LRRIQ1: variants seen among roughly 807,000 people sequenced by gnomAD.
The protein encoded by LRRIQ1 is leucine rich repeats and IQ motif containing 1, also known as leucine-rich repeat- and IQ domain-containing protein 1.
A neutral mutation model predicts 211.9 loss-of-function variants in LRRIQ1; 210 were observed. That is an observed-to-expected ratio of 0.99 (90% CI 0.89 to 1.11). LRRIQ1 has a LOEUF of 1.11. Among genes scored for constraint, LRRIQ1 ranks in the 50% most tolerant of loss-of-function variants. The pLI is 0.00. For synonymous variants in LRRIQ1, 699 were observed against 650.1 expected (o/e 1.08, Z -1.14); for missense variants, 2,136 against 1,939.5 (o/e 1.10, Z -1.90).
chr12:85,254,389 A>G (rs967408075), intron 1 of LRRIQ1, among the ~76,000 whole-genome samples: 20 of 152,160 alleles, frequency 1.3e-4, no homozygotes, highest in African/African-American at 4.8e-4. Flanking sequence ...GAGCTCTGCT[A>G]CTTCCTACTG....
At chr12:85,239,655 A>T (rs888358205) in intron 26 of LRRIQ1, among the ~76,000 whole-genome samples, 3 of 152,016 alleles carry the variant, frequency 2.0e-5, no homozygotes, top group Non-Finnish European at 4.4e-5. Flanking sequence ...ATGAACTATG[A>T]GCCTAAATTT....
intron 11 of LRRIQ1, among the ~76,000 whole-genome samples, chr12:85,078,132 TATATTA>T (rs1015512278): frequency 1.3e-5 from 2 of 152,166 alleles, no homozygotes; most frequent in Non-Finnish European, 2.9e-5. Flanking sequence ...TTTTGGAATG[TATATTA>T]ATATTGTTTC....
At chr12:85,187,967 C>T (rs1190202681) in intron 24 of LRRIQ1, among the ~76,000 whole-genome samples, 2 of 152,120 alleles carry the variant, frequency 1.3e-5, no homozygotes, top group South Asian at 4.2e-4. Context: ...AAAACACTCT[C>T]ATTGTACTCA....
chr12:85,165,170 G>T (rs1195871431), intron 24 of LRRIQ1, among the ~76,000 whole-genome samples: 1 of 152,016 alleles, frequency 6.6e-6, no homozygotes, highest in South Asian at 2.1e-4. Context: ...AGATTCAGGG[G>T]TAACATGGGC....
rs766702523 is a variant in LRRIQ1 at position 85,040,620 on chromosome 12, T to C, written c.244+19T>C. ...ATTTTAAGTAAGTACTATTTTCATC[T>C]GTCTGGCAGATAAGCTTTCTGTAAG... On this transcript the variant is annotated intron_variant, in intron 3 of 26. Coordinates refer to ENST00000393217, the MANE Select transcript of LRRIQ1 (RefSeq NM_001079910.2). The C allele has an allele frequency of 8.4e-6, 12 of 1,420,620 alleles. No individual in the cohort carries two copies. The Admixed American group carries it at 1.7e-4, about 20-fold the overall frequency. 88.0% of individuals were successfully genotyped at this position (1,420,620 alleles called of 1,614,324 possible). A position where few individuals can be genotyped will look rare whatever the true frequency, so the allele number is the denominator to read the frequency against.
intron 23 of LRRIQ1, 51 bp from the exon 24 acceptor site, chr12:85,160,562 A>G (rs1890809067): frequency 8.8e-7 from 1 of 1,131,614 alleles, no homozygotes. Context: ...ACATTTAGAG[A>G]AGGAATTAAC....
chr12:85,083,264 A>C (rs948166026), intron 11 of LRRIQ1, among the ~76,000 whole-genome samples: 14 of 152,124 alleles, frequency 9.2e-5, no homozygotes, highest in African/African-American at 3.1e-4. Context: ...TGTTTTGCTT[A>C]TCTCTCTTTG....
At chr12:85,247,435 T>G (rs1008640118), downstream of LRRIQ1, among the ~76,000 whole-genome samples, 4 of 151,668 alleles carry the variant, frequency 2.6e-5, no homozygotes, top group Non-Finnish European at 5.9e-5. Context: ...TTCTAGATAT[T>G]TCTCTTTTAG....
rs1052035919 is a variant in LRRIQ1, at chr12:85,107,604, G to A, written c.3377+989G>A. 4.0e-5 allele frequency among the ~76,000 whole-genome samples: 6 copies of A among 151,162 alleles called. No individual in the cohort carries two copies. In the South Asian group the frequency reaches 1.3e-3, roughly 32 times the overall value. On this transcript the variant is annotated intron_variant, in intron 15 of 26. Coordinates refer to ENST00000393217, the MANE Select transcript of LRRIQ1 (RefSeq NM_001079910.2). ...AAAATTTATGGCCATTTTTTTTTCA[G>A]ATTTTTTTGTTCTCCCTTTCACTAC...
At chr12:85,119,714 C>A (rs1887835531) in intron 15 of LRRIQ1, among the ~76,000 whole-genome samples, 1 of 152,032 alleles carries the variant, frequency 6.6e-6, no homozygotes, top group Admixed American at 6.6e-5. Flanking sequence ...CTAATAGGTA[C>A]GTAGTGGTAT....
chr12:85,076,312 T>G (rs1490071108), intron 11 of LRRIQ1, among the ~76,000 whole-genome samples: 5 of 151,908 alleles, frequency 3.3e-5, no homozygotes, highest in Admixed American at 6.6e-5. Flanking sequence ...AATAAGTTAT[T>G]TCTTTTATTA....
At chr12:85,191,494 A>G (rs1892508200) in intron 24 of LRRIQ1, among the ~76,000 whole-genome samples, 1 of 151,958 alleles carries the variant, frequency 6.6e-6, no homozygotes, top group Non-Finnish European at 1.5e-5. Context: ...TCATAACTTG[A>G]TAGCTCATTT....
At chr12:85,186,585 T>C (rs1892239084) in intron 24 of LRRIQ1, among the ~76,000 whole-genome samples, 2 of 152,154 alleles carry the variant, frequency 1.3e-5, no homozygotes. Flanking sequence ...GTATACTAGT[T>C]ATTTTATTTA....
chr12:85,103,784 A>C (rs1211913200), intron 13 of LRRIQ1, among the ~76,000 whole-genome samples: 2 of 151,652 alleles, frequency 1.3e-5, no homozygotes, highest in African/African-American at 4.8e-5. Flanking sequence ...GAAGTCTTCC[A>C]TCATAAATAC....
intron 17 of LRRIQ1, among the ~76,000 whole-genome samples, 194 bp from the exon 18 acceptor site, chr12:85,127,638 C>G (rs914389604): frequency 2.0e-5 from 3 of 152,162 alleles, no homozygotes; most frequent in African/African-American, 7.2e-5. Context: ...TGGCCCATTT[C>G]TTTTCTTCAG....
At chr12:85,262,807 C>A (rs1295845370) in intron 1 of LRRIQ1, 1 of 431,380 alleles carries the variant, frequency 2.3e-6, no homozygotes, top group Non-Finnish European at 3.1e-6. Context: ...ACTCCAAGAT[C>A]ATAGACTTTT....
chr12:85,192,094 G>T (rs1230201813), intron 24 of LRRIQ1, among the ~76,000 whole-genome samples: 3 of 151,560 alleles, frequency 2.0e-5, no homozygotes, highest in Non-Finnish European at 4.4e-5. Flanking sequence ...TGTCACTCAG[G>T]TAATAAGTGT....
intron 11 of LRRIQ1, among the ~76,000 whole-genome samples, chr12:85,093,363 A>C (rs1434887377): frequency 6.6e-6 from 1 of 152,212 alleles, no homozygotes; most frequent in African/African-American, 2.4e-5. Context: ...GGCTAGCTCA[A>C]AAATGTCACT....
At chr12:85,129,260 T>C (rs1013203987) in intron 18 of LRRIQ1, among the ~76,000 whole-genome samples, 3 of 152,204 alleles carry the variant, frequency 2.0e-5, no homozygotes, top group Admixed American at 2.0e-4. Context: ...AAATAAAACT[T>C]AAAATCAACA....
Sources: gnomAD v4.1 joint callset for allele counts (sites outside exome capture counted in the v4.1 genomes callset) on GRCh38, gnomAD v4.1.1 for gene constraint, MANE v1.5 for transcripts, NCBI Gene and HGNC (gene_info 2026-07-23, HGNC 2026-07-21) for gene names.